The following LRIG1 variants were observed in gnomAD, a reference collection of about 807,000 sequenced individuals.
The protein encoded by LRIG1 is leucine-rich repeats and immunoglobulin-like domains protein 1.
In LRIG1, 48 loss-of-function variants were observed where a neutral mutation model predicts 99.2. That is an observed-to-expected ratio of 0.48 (90% confidence interval 0.38 to 0.62). LRIG1 has a LOEUF of 0.62. Among genes scored for constraint, LRIG1 ranks in the 20% least tolerant of loss-of-function variants. LRIG1 has a pLI of 0.00. For synonymous variants in LRIG1, 772 were observed against 596.1 expected (o/e 1.29, Z -4.30); for missense variants, 1,646 against 1,434.4 (o/e 1.15, Z -2.38).
At position 66,379,872 on chromosome 3, in the gene LRIG1, A is replaced by G. The variant is rs1700928079; in HGVS notation, c.*391T>C. The stretch of plus-strand genomic sequence containing the variant: ...ACAAATGTGGTTGTAGCCTCTATAA[A>G]TTCCAGCCATGCGTTAAGGCACCAG... On this transcript the variant is annotated 3_prime_UTR_variant, in exon 19 of 19. Transcript: ENST00000273261. 1.2e-5 allele frequency: 2 copies of G among 173,708 alleles called. No homozygotes were observed. Among genetic ancestry groups the G allele is most frequent in the Non-Finnish European group, 2.5e-5 (2 of 80,950 alleles). The allele number at this position is 173,708 out of a possible 1,614,324, so 10.8% of individuals were successfully genotyped here.
chr3:66,414,248 T>G (rs1279348923), intron 5 of LRIG1, among the ~76,000 whole-genome samples: 1 of 151,982 alleles, frequency 6.6e-6, no homozygotes, highest in Non-Finnish European at 1.5e-5. Context: ...ATACAAAAAA[T>G]TAGCCAGGCA....
At chr3:66,425,062 G>A (rs1702935094) in intron 3 of LRIG1, among the ~76,000 whole-genome samples, 1 of 152,210 alleles carries the variant, frequency 6.6e-6, no homozygotes, top group Non-Finnish European at 1.5e-5. Flanking sequence ...CAGTTGAGAA[G>A]CATCTATACT....
chr3:66,451,434 G>A, intron 3 of LRIG1, 125 bp downstream of exon 3: 2 of 727,254 alleles, frequency 2.8e-6, no homozygotes, highest in South Asian at 1.9e-5. Flanking sequence ...AGGGCCACAT[G>A]AAGAAAGGTC....
rs1288707387 is a variant in LRIG1, at chr3:66,383,309, G to A, written c.2164C>T (p.Pro722Ser). ...TCCCCCTTGAACCAGGTGATGCGGG[G>A]CGGAGGGTTCCCCGTGGCTTTGCAT... is the stretch of plus-strand genomic sequence containing the variant. ...LQCKATGNPP[P>S]RITWFKGDRP... Residue 722 changes from proline to serine, a missense_variant, in exon 15 of 19, where the codon CCC becomes TCC. Coordinates refer to ENST00000273261, the MANE Select transcript of LRIG1 (RefSeq NM_015541.3). 1 of 1,606,376 alleles carries A rather than the reference G, an allele frequency of 6.2e-7. No individual in the cohort carries two copies.
chr3:66,475,594 C>T (rs1337028301), intron 1 of LRIG1, among the ~76,000 whole-genome samples: 3 of 152,178 alleles, frequency 2.0e-5, no homozygotes, highest in African/African-American at 4.8e-5. Flanking sequence ...CATGACTCTG[C>T]GAAACTGTGC....
In LRIG1 at chr3:66,399,909, G is replaced by C. The variant is rs538936046; in HGVS notation, c.1161-868C>G. Among the ~76,000 whole-genome samples the C allele has an allele frequency of 4.9e-4, 75 of 152,338 alleles. No homozygotes were observed. The South Asian group carries it at 0.015, about 30-fold the overall frequency. On this transcript the variant is annotated intron_variant, in intron 9 of 18. Coordinates refer to ENST00000273261, the MANE Select transcript of LRIG1 (RefSeq NM_015541.3). The stretch of plus-strand genomic sequence containing the variant: ...TGGCTCCACAGCTGTCTGCACCTGA[G>C]ATGTCCTGGCAGCCAGCACACAGCC...
At chr3:66,485,630 C>T (rs554133827) in intron 1 of LRIG1, among the ~76,000 whole-genome samples, 1 of 152,300 alleles carries the variant, frequency 6.6e-6, no homozygotes, top group East Asian at 1.9e-4. Flanking sequence ...AAATAGTTTA[C>T]TTTTTTTGAT....
intron 16 of LRIG1, among the ~76,000 whole-genome samples, chr3:66,381,891 T>G (rs540410336): frequency 3.5e-4 from 54 of 152,234 alleles, no homozygotes; most frequent in African/African-American, 1.2e-3. Flanking sequence ...CCGTTGGAAG[T>G]ACCTCATCCT....
chr3:66,403,639 G>A (rs949549056), intron 9 of LRIG1, among the ~76,000 whole-genome samples: 1 of 152,184 alleles, frequency 6.6e-6, no homozygotes, highest in African/African-American at 2.4e-5. Context: ...ACTCAGGAAG[G>A]CAGTGGCGGA....
rs745570417 is a variant in LRIG1 at position 66,405,805 on chromosome 3, G to A, written c.1080-527C>T. ...CATCTCCTCCCAAGGCCTGCAGGGC[G>A]CTGACTCTGAGCCAGGGAGGACATC... On this transcript the variant is annotated intron_variant, in intron 8 of 18. Transcript: ENST00000273261. The A allele has an allele frequency of 3.5e-5, 41 of 1,174,782 alleles. No individual in the cohort carries two copies. In the Admixed American group the frequency reaches 4.5e-4, roughly 13 times the overall value. 72.8% of individuals were successfully genotyped at this position (1,174,782 alleles called of 1,614,324 possible).
chr3:66,426,004 G>T (rs1702971813), intron 3 of LRIG1, among the ~76,000 whole-genome samples: 1 of 152,184 alleles, frequency 6.6e-6, no homozygotes, highest in Admixed American at 6.5e-5. Flanking sequence ...CTACAGTTCT[G>T]TGAAAGCCTG....
In LRIG1 at chr3:66,386,189, G is replaced by C; in HGVS notation, c.1581C>G (p.Thr527=). The change falls in exon 13 of 19, where the codon ACC becomes ACG. Residue 527 remains threonine, a synonymous_variant. Transcript: ENST00000273261. ...CTTCATTGTCTTTCTTCCAGGCAAAGGTCATGGGGGAGCTGCTGCTGCTGG... is the reference window on the plus strand; with the variant it reads ...CTTCATTGTCTTTCTTCCAGGCAAACGTCATGGGGGAGCTGCTGCTGCTGG... ...SAASSSSSPM[T]FAWKKDNEVL... is the part of the protein sequence containing the mutation. The C allele has an allele frequency of 6.2e-7, 1 of 1,614,176 alleles. No individual in the cohort carries two copies. Among genetic ancestry groups the C allele is most frequent in the Non-Finnish European group, 8.5e-7 (1 of 1,180,030 alleles).
intron 9 of LRIG1, chr3:66,401,743 G>A: frequency 1.7e-6 from 2 of 1,194,190 alleles, no homozygotes; most frequent in Non-Finnish European, 1.1e-6. Context: ...CTGTACCACA[G>A]CCGGGCTCCC....
chr3:66,489,551 G>GTC (rs1701054740), intron 1 of LRIG1, among the ~76,000 whole-genome samples: 1 of 137,904 alleles, frequency 7.3e-6, no homozygotes, highest in African/African-American at 2.7e-5. Flanking sequence ...GTGTGTGTGT[G>GTC]TCTAACACAC....
At chr3:66,388,131 AAGG>A (rs1174749641) in intron 12 of LRIG1, 3 of 149,334 alleles carry the variant, frequency 2.0e-5, no homozygotes, top group Non-Finnish European at 3.0e-5. Context: ...AAAAAAAAAA[AAGG>A]ATAAAGTATG....
At position 66,500,681 on chromosome 3, in the gene LRIG1, C is replaced by T; in HGVS notation, c.-274G>A. 3.8e-6 allele frequency: 1 copy of T among 263,760 alleles called. No individual in the cohort carries two copies. The highest frequency in any genetic ancestry group is 6.8e-5 in the East Asian group (1 of 14,792). 16.3% of individuals were successfully genotyped at this position (263,760 alleles called of 1,614,324 possible). A position where few individuals can be genotyped will look rare whatever the true frequency, so the allele number is the denominator to read the frequency against. On this transcript the variant is annotated 5_prime_UTR_variant, in exon 1 of 19. Transcript: ENST00000273261. ...TAGCTGCGAACTCCGCCGATTCGGG[C>T]AAGGTGTACCCAGCCTGCGCTCTTC... is the stretch of plus-strand genomic sequence containing the variant.
chr3:66,441,597 A>G (rs1213524799), intron 3 of LRIG1, among the ~76,000 whole-genome samples: 9 of 152,212 alleles, frequency 5.9e-5, no homozygotes, highest in Non-Finnish European at 1.0e-4. Flanking sequence ...AAGCAAGGGC[A>G]TTACAGAGGC....
intron 15 of LRIG1, 59 bp downstream of exon 15, chr3:66,382,923 C>A (rs1559764764): frequency 2.7e-6 from 4 of 1,503,998 alleles, no homozygotes; most frequent in Admixed American, 1.9e-5. Context: ...CGGCCCAGTT[C>A]CCCAGCATCA....
chr3:66,406,091 G>A, intron 8 of LRIG1: 1 of 985,734 alleles, frequency 1.0e-6, no homozygotes, highest in Non-Finnish European at 1.2e-6. Flanking sequence ...GAGAGAAAAG[G>A]AACTCTTGTC....
Sources: gnomAD v4.1 joint callset for allele counts (sites outside exome capture counted in the v4.1 genomes callset) on GRCh38, gnomAD v4.1.1 for gene constraint, MANE v1.5 for transcripts, NCBI Gene and HGNC (gene_info 2026-07-23, HGNC 2026-07-21) for gene names.